The following GRIA3 variants were observed in gnomAD, a reference collection of about 807,000 sequenced individuals.
The protein encoded by GRIA3 is glutamate receptor 3.
GRIA3 carries 3 observed loss-of-function variants against 63.0 expected under a neutral mutation model. The ratio of observed to expected loss-of-function variants is 0.05; its 90% CI spans 0.02 to 0.12. The LOEUF is 0.12. Ranked by LOEUF, GRIA3 falls within the 10% of genes least tolerant of loss-of-function variation. The pLI is 1.00. For synonymous variants in GRIA3, 274 were observed against 257.9 expected (o/e 1.06, Z -0.60); for missense variants, 347 against 700.9 (o/e 0.50, Z 5.70).
At chrX:123,469,496 C>T (rs2045851357) in intron 13 of GRIA3, among the ~76,000 whole-genome samples, 1 of 112,130 alleles carries the variant, frequency 8.9e-6, no homozygotes, top group Non-Finnish European at 1.9e-5. Context: ...AACCAGAATA[C>T]TCCTTGGCTT....
chrX:123,331,409 G>A (rs2044941195), intron 4 of GRIA3, among the ~76,000 whole-genome samples: 1 of 111,659 alleles, frequency 9.0e-6, no homozygotes, highest in South Asian at 3.8e-4. Flanking sequence ...AACATTAGGG[G>A]CCCTTCTAAA....
chrX:123,197,890 G>A (rs1422769993), intron 2 of GRIA3, among the ~76,000 whole-genome samples: 2 of 111,855 alleles, frequency 1.8e-5, no homozygotes. Context: ...TAGGATTGTT[G>A]AGAGTTTTAA....
At chrX:123,200,147 C>T (rs1220144375) in intron 2 of GRIA3, among the ~76,000 whole-genome samples, 2 of 110,844 alleles carry the variant, frequency 1.8e-5, no homozygotes, top group South Asian at 3.9e-4. Flanking sequence ...CTCTTTTTCT[C>T]TAATTGTCTA....
Position 123,338,478 on chromosome X carries a change from T to C in GRIA3, c.696+12265T>C, listed in dbSNP as rs149416045. On this transcript the variant is annotated intron_variant, in intron 4 of 15. Coordinates refer to ENST00000620443, the MANE Select transcript of GRIA3 (RefSeq NM_007325.5). Reference sequence around the variant, plus strand: ...CTATGGTTCTTAGCACTCAGTGACCTACAGGTCATACTCTTTGTTACCCAT... The same window carrying C: ...CTATGGTTCTTAGCACTCAGTGACCCACAGGTCATACTCTTTGTTACCCAT... 4.3e-3 allele frequency among the ~76,000 whole-genome samples: 480 copies of C among 112,425 alleles called. 2 individuals are homozygous for C. The highest frequency in any genetic ancestry group is 0.014 in the African/African-American group (436 of 30,965).
chrX:123,479,961 G>A, intron 13 of GRIA3, 102 bp from the exon 14 acceptor site: 1 of 590,928 alleles, frequency 1.7e-6, no homozygotes, highest in Non-Finnish European at 2.8e-6. Flanking sequence ...CTGTGGCCAG[G>A]GCCCCCTGCT....
intron 3 of GRIA3, among the ~76,000 whole-genome samples, chrX:123,283,953 G>A (rs1228946723): frequency 8.9e-6 from 1 of 112,589 alleles, no homozygotes. Context: ...TCCTGACTAG[G>A]AGACACCTCC....
At chrX:123,317,899 T>C (rs1325528684) in intron 3 of GRIA3, among the ~76,000 whole-genome samples, 1 of 112,375 alleles carries the variant, frequency 8.9e-6, no homozygotes, top group Non-Finnish European at 1.9e-5. Flanking sequence ...CTGGCAGAGG[T>C]TCTCCATGAG....
At chrX:123,475,852 A>G (rs974787547) in intron 13 of GRIA3, among the ~76,000 whole-genome samples, 1 of 111,505 alleles carries the variant, frequency 9.0e-6, no homozygotes, top group African/African-American at 3.3e-5. Context: ...GAGGGATGCT[A>G]CCCTTTTGTG....
rs150066944 is a variant in GRIA3, at chrX:123,234,146, A to G, written c.269-19157A>G. ...CTGTGGCCTCTCCTTCTTATGAACT[A>G]TGACCTTCCCAGATGCTACCACCTG... On this transcript the variant is annotated intron_variant, in intron 2 of 15. Coordinates refer to ENST00000620443, the MANE Select transcript of GRIA3 (RefSeq NM_007325.5). 2.0e-3 allele frequency among the ~76,000 whole-genome samples: 226 copies of G among 110,982 alleles called. 1 individual carries two copies. The highest frequency in any genetic ancestry group is 6.9e-3 in the African/African-American group (211 of 30,527).
rs189781849 is a variant in GRIA3 at position 123,399,700 on chromosome X, A to G, written c.1080+897A>G. On this transcript the variant is annotated intron_variant, in intron 7 of 15. Coordinates refer to ENST00000620443, the MANE Select transcript of GRIA3 (RefSeq NM_007325.5). ...TTGGGACATCCAAATCAACAAAGAG[A>G]TGGGCAAAGATAAGATAATTCTGTG... Among the ~76,000 whole-genome samples, 15 of 112,209 alleles carry G rather than the reference A, an allele frequency of 1.3e-4. No individual in the cohort carries two copies. In the East Asian group the frequency reaches 4.2e-3, roughly 31 times the overall value.
chrX:123,409,055 G>A (rs2045491773), intron 10 of GRIA3, among the ~76,000 whole-genome samples: 1 of 111,641 alleles, frequency 9.0e-6, no homozygotes, highest in Non-Finnish European at 1.9e-5. Flanking sequence ...TGGCAGGCCT[G>A]GCCTCTTGTG....
chrX:123,480,227 C>A, intron 14 of GRIA3, 50 bp downstream of exon 14: 1 of 817,971 alleles, frequency 1.2e-6, no homozygotes, highest in Non-Finnish European at 1.9e-6. Flanking sequence ...CATTTTGACC[C>A]ACTGTTTATT....
intron 5 of GRIA3, among the ~76,000 whole-genome samples, chrX:123,377,038 C>G (rs747639709): frequency 3.2e-4 from 34 of 107,750 alleles, no homozygotes; most frequent in African/African-American, 1.1e-3. Context: ...GGGTTCACGC[C>G]ATTCTCCTGC....
chrX:123,289,772 C>G (rs1196429858), intron 3 of GRIA3, among the ~76,000 whole-genome samples: 1 of 110,262 alleles, frequency 9.1e-6, no homozygotes, highest in Non-Finnish European at 1.9e-5. Context: ...CACCCTCCAC[C>G]CCCCCAACCA....
At chrX:123,229,123 TTTC>T (rs2044263514) in intron 2 of GRIA3, among the ~76,000 whole-genome samples, 1 of 111,280 alleles carries the variant, frequency 9.0e-6, no homozygotes, top group African/African-American at 3.3e-5. Context: ...AGCCGGAAGA[TTTC>T]TTACAGATTA....
chrX:123,445,914 C>CT (rs1455859633), intron 12 of GRIA3, among the ~76,000 whole-genome samples: 3 of 111,887 alleles, frequency 2.7e-5, no homozygotes, highest in Middle Eastern at 4.7e-3. Context: ...TATGGCACAG[C>CT]TTTTTTTTAG....
chrX:123,411,274 T>A (rs1246098759), intron 10 of GRIA3, among the ~76,000 whole-genome samples: 1 of 111,902 alleles, frequency 8.9e-6, no homozygotes, highest in Non-Finnish European at 1.9e-5. Flanking sequence ...ATATAGTACA[T>A]TATGATTACA....
chrX:123,415,769 G>T (rs1243625543), intron 10 of GRIA3, among the ~76,000 whole-genome samples: 4 of 111,810 alleles, frequency 3.6e-5, no homozygotes, highest in Non-Finnish European at 7.5e-5. Context: ...AAAGGATGTA[G>T]GATGCCCTCC....
At chrX:123,391,439 C>A (rs1405522184) in intron 5 of GRIA3, among the ~76,000 whole-genome samples, 1 of 111,348 alleles carries the variant, frequency 9.0e-6, no homozygotes, top group Non-Finnish European at 1.9e-5. Flanking sequence ...TTTGTGATTT[C>A]CTTGGTGGTA....
Sources: gnomAD v4.1 joint callset for allele counts (sites outside exome capture counted in the v4.1 genomes callset) on GRCh38, gnomAD v4.1.1 for gene constraint, MANE v1.5 for transcripts, NCBI Gene and HGNC (gene_info 2026-07-23, HGNC 2026-07-21) for gene names.